Variants in PLEKHH2 observed in about 807,000 individuals in gnomAD.
PLEKHH2 encodes pleckstrin homology domain-containing family H member 2.
A neutral mutation model predicts 187.9 loss-of-function variants in PLEKHH2; 129 were observed. The ratio of observed to expected loss-of-function variants is 0.69; its 90% CI spans 0.59 to 0.79. The LOEUF is 0.79. PLEKHH2 is among the 30% of genes least tolerant of loss of function. The pLI is 0.00. For missense variants in PLEKHH2, 2,076 were observed against 1,751.2 expected (o/e 1.19, Z -3.31); for synonymous variants, 686 against 605.6 (o/e 1.13, Z -1.95).
At chr2:43,660,435 C>CTT (rs747756407) in intron 2 of PLEKHH2, among the ~76,000 whole-genome samples, 5 of 72,168 alleles carry the variant, frequency 6.9e-5, no homozygotes, top group Admixed American at 1.3e-4. Flanking sequence ...ATATGTTTAA[C>CTT]TTTTTTTTTT....
At chr2:43,753,511 TTAGAG>T (rs1450213246) in intron 24 of PLEKHH2, 103 bp from the exon 25 acceptor site, 1 of 814,330 alleles carries the variant, frequency 1.2e-6, no homozygotes, top group Non-Finnish European at 1.8e-6. Context: ...TTCATACCAC[TTAGAG>T]TACTGTGTTA....
chr2:43,722,928 C>T (rs1020211138), intron 16 of PLEKHH2, among the ~76,000 whole-genome samples: 1 of 152,092 alleles, frequency 6.6e-6, no homozygotes, highest in Non-Finnish European at 1.5e-5. Flanking sequence ...CATTATAGGC[C>T]TACTTCATTT....
chr2:43,727,334 C>T (rs1670802421), intron 17 of PLEKHH2, among the ~76,000 whole-genome samples: 1 of 144,630 alleles, frequency 6.9e-6, no homozygotes. Context: ...ATCGCTTGAA[C>T]CCAGGAGGTA....
chr2:43,766,377 C>T lies in PLEKHH2; in HGVS notation c.*779C>T, dbSNP rs946491610. Reference sequence around the variant, plus strand: ...TTTGACCTTGCTTTGTTAATAATATCTTTAAAAACAAAGACAATCCTTAAA... The same window carrying T: ...TTTGACCTTGCTTTGTTAATAATATTTTTAAAAACAAAGACAATCCTTAAA... On this transcript the variant is annotated 3_prime_UTR_variant, in exon 30 of 30. Coordinates refer to ENST00000282406, the MANE Select transcript of PLEKHH2 (RefSeq NM_172069.4). 4 of 152,750 alleles carry T rather than the reference C, an allele frequency of 2.6e-5. No homozygotes were observed. The highest frequency in any genetic ancestry group is 9.7e-5 in the African/African-American group (4 of 41,440). The allele number at this position is 152,750 out of a possible 1,614,324, so 9.5% of individuals were successfully genotyped here.
intron 25 of PLEKHH2, among the ~76,000 whole-genome samples, chr2:43,756,785 C>T (rs2104621069): frequency 6.6e-6 from 1 of 152,158 alleles, no homozygotes; most frequent in East Asian, 1.9e-4. Flanking sequence ...CCCGTCTCTA[C>T]AAAAAGCACA....
At chr2:43,682,494 A>AT (rs1175573684) in intron 3 of PLEKHH2, among the ~76,000 whole-genome samples, 1 of 152,060 alleles carries the variant, frequency 6.6e-6, no homozygotes, top group Non-Finnish European at 1.5e-5. Context: ...TTTTAGAGAG[A>AT]TGGGGTTTCA....
At chr2:43,757,042 A>C in intron 25 of PLEKHH2, 77 bp from the exon 26 acceptor site, 1 of 1,176,710 alleles carries the variant, frequency 8.5e-7, no homozygotes, top group Non-Finnish European at 1.1e-6. Context: ...AAGAATGTTT[A>C]GAAAAAATAA....
intron 2 of PLEKHH2, among the ~76,000 whole-genome samples, chr2:43,648,409 G>A (rs559918018): frequency 6.6e-5 from 10 of 152,120 alleles, no homozygotes; most frequent in South Asian, 4.1e-4. Flanking sequence ...GGATGGTCTC[G>A]AACTCCTGAC....
chr2:43,645,732 G>T (rs1666151852), intron 2 of PLEKHH2, among the ~76,000 whole-genome samples: 1 of 152,034 alleles, frequency 6.6e-6, no homozygotes, highest in East Asian at 1.9e-4. Context: ...TTAAACGTGT[G>T]TATTAGAAAA....
intron 11 of PLEKHH2, among the ~76,000 whole-genome samples, 169 bp from the exon 12 acceptor site, chr2:43,709,821 C>T (rs779329060): frequency 5.9e-5 from 9 of 151,996 alleles, no homozygotes; most frequent in South Asian, 2.1e-4. Context: ...GGTGACAGAG[C>T]GAGACTCTGT....
At chr2:43,707,980 A>T (rs1208622756) in intron 11 of PLEKHH2, among the ~76,000 whole-genome samples, 1 of 152,160 alleles carries the variant, frequency 6.6e-6, no homozygotes, top group Admixed American at 6.5e-5. Context: ...TTTTTAGTGG[A>T]TTTTGAAGAC....
chr2:43,758,079 C>T (rs1260860944), intron 26 of PLEKHH2, among the ~76,000 whole-genome samples: 5 of 152,138 alleles, frequency 3.3e-5, no homozygotes, highest in African/African-American at 4.8e-5. Context: ...TCCAATTTAT[C>T]GTGAGCTTTT....
Position 43,731,587 on chromosome 2 carries a change from T to C in PLEKHH2, c.2928T>C (p.Ala976=). 6.4e-7 allele frequency: 1 copy of C among 1,558,456 alleles called. No homozygotes were observed. Among genetic ancestry groups the C allele is most frequent in the African/African-American group, 1.4e-5 (1 of 73,468 alleles). Residue 976 remains alanine, a synonymous_variant, in exon 19 of 30, where the codon GCT becomes GCC. Transcript: ENST00000282406. Reference sequence around the variant, plus strand: ...CTTCCGAAGCCCTGCAGACAGAAGCTATTAAATTATTTAAGGTAAAATATT... The same window carrying C: ...CTTCCGAAGCCCTGCAGACAGAAGCCATTAAATTATTTAAGGTAAAATATT... ...TLPSEALQTE[A]IKLFKTCQLF... is the part of the protein sequence containing the mutation.
chr2:43,700,191 G>A lies in PLEKHH2; in HGVS notation c.1233G>A (p.Leu411=), dbSNP rs1286839037. 1 of 1,614,020 alleles carries A rather than the reference G, an allele frequency of 6.2e-7. No individual in the cohort carries two copies. Among genetic ancestry groups the A allele is most frequent in the Non-Finnish European group, 8.5e-7 (1 of 1,179,988 alleles). Residue 411 remains leucine, a synonymous_variant, in exon 8 of 30, where the codon TTG becomes TTA. Transcript: ENST00000282406. ...SSEANTPSPI[L]TPALMPKHPN... is the part of the protein sequence containing the mutation. ...AAGCCAACACCCCAAGCCCTATTTT[G>A]ACCCCAGCTTTAATGCCAAAGCATC...
intron 1 of PLEKHH2, among the ~76,000 whole-genome samples, chr2:43,643,667 C>T (rs925396810): frequency 2.6e-5 from 4 of 152,020 alleles, no homozygotes; most frequent in South Asian, 2.1e-4. Context: ...TTGCTGTCAC[C>T]GTTCTTCATA....
At chr2:43,754,955 C>T (rs1672158426) in intron 25 of PLEKHH2, among the ~76,000 whole-genome samples, 1 of 148,750 alleles carries the variant, frequency 6.7e-6, no homozygotes, top group Non-Finnish European at 1.5e-5. Context: ...TCACTGTAAC[C>T]CCCACCTCCC....
At chr2:43,707,196 CAA>C (rs60819579) in intron 10 of PLEKHH2, among the ~76,000 whole-genome samples, 13 of 88,170 alleles carry the variant, frequency 1.5e-4, no homozygotes, top group Admixed American at 1.3e-4. Flanking sequence ...GACTCCACCT[CAA>C]AAAAAAAAAA....
At chr2:43,751,858 G>A in intron 24 of PLEKHH2, among the ~76,000 whole-genome samples, 1 of 150,996 alleles carries the variant, frequency 6.6e-6, no homozygotes, top group South Asian at 2.1e-4. Context: ...ATAGCTATTG[G>A]AGCCAAAACT....
intron 17 of PLEKHH2, among the ~76,000 whole-genome samples, chr2:43,727,299 C>G (rs375026699): frequency 6.6e-6 from 1 of 151,252 alleles, no homozygotes; most frequent in African/African-American, 2.4e-5. Flanking sequence ...GTAATCCCAG[C>G]TACTTGGGAG....
Sources: allele counts gnomAD v4.1 joint callset (sites outside exome capture counted in the v4.1 genomes callset), GRCh38; gene constraint gnomAD v4.1.1; transcripts MANE v1.5; gene names NCBI Gene and HGNC (gene_info 2026-07-23, HGNC 2026-07-21).